Variants in CFAP299 observed in about 807,000 individuals in gnomAD.
CFAP299 encodes the protein cilia- and flagella-associated protein 299.
CFAP299 carries 21 observed loss-of-function variants against 27.0 expected under a neutral mutation model. The ratio of observed to expected loss-of-function variants is 0.78; its 90% CI spans 0.55 to 1.12. CFAP299 has a LOEUF of 1.12. CFAP299 is among the 50% of genes most tolerant of loss of function. The pLI is 0.00. For missense variants in CFAP299, 310 were observed against 276.6 expected, an observed-to-expected ratio of 1.12 and a Z score of -0.86; for synonymous variants, 104 against 98.1, an observed-to-expected ratio of 1.06 and a Z score of -0.36.
At position 80,588,284 on chromosome 4, in the gene CFAP299, G is replaced by A. The variant is rs889868966; in HGVS notation, c.333+5101G>A. 8.0e-5 allele frequency among the ~76,000 whole-genome samples: 12 copies of A among 150,838 alleles called. 1 individual carries two copies. The highest frequency in any genetic ancestry group is 3.0e-4 in the African/African-American group (12 of 40,186). On this transcript the variant is annotated intron_variant, in intron 3 of 5. Transcript: ENST00000358105. ...AACCATTAGCTTTTAACACCTGCAG[G>A]TCTGGAGCTGGGTACATCTGCCTGG...
rs1350931131 is a variant in CFAP299, at chr4:80,799,852, TATA to T, written c.334-70139_334-70137del. Among the ~76,000 whole-genome samples, 264 of 33,896 alleles carry T rather than the reference TATA, an allele frequency of 7.8e-3. 17 individuals are homozygous for T. The highest frequency in any genetic ancestry group is 0.032 in the African/African-American group (229 of 7,226). 22.2% of individuals were successfully genotyped at this position (33,896 alleles called of 152,430 possible). Reference sequence around the variant, plus strand: ...TATTTATATATTATATTATATAATATATAAATATATATTATATATATTATATTA... The same window carrying T: ...TATTTATATATTATATTATATAATATAATATATATTATATATATTATATTA... On this transcript the variant is annotated intron_variant, in intron 3 of 5. Transcript: ENST00000358105.
At position 80,866,061 on chromosome 4, in the gene CFAP299, A is replaced by T. The variant is rs1405645298; in HGVS notation, c.334-3932A>T. The stretch of plus-strand genomic sequence containing the variant: ...TGTGCACCGTAGAACTTAAAGTATT[A>T]TATATATATATATATATATATATAT... On this transcript the variant is annotated intron_variant, in intron 3 of 5. Transcript: ENST00000358105. 2.1e-3 allele frequency among the ~76,000 whole-genome samples: 98 copies of T among 47,234 alleles called. 1 individual carries two copies. In the African/African-American group the frequency reaches 0.023, roughly 11 times the overall value. The allele number at this position is 47,234 out of a possible 152,430, so 31.0% of individuals were successfully genotyped here.
At chr4:80,390,725 A>ATG (rs1446270821) in intron 2 of CFAP299, among the ~76,000 whole-genome samples, 10 of 117,080 alleles carry the variant, frequency 8.5e-5, no homozygotes, top group East Asian at 2.5e-4. Flanking sequence ...ACACACATAC[A>ATG]TGTATATATG....
chr4:80,641,364 C>A (rs1309393770), intron 3 of CFAP299, among the ~76,000 whole-genome samples: 1 of 152,060 alleles, frequency 6.6e-6, no homozygotes, highest in Non-Finnish European at 1.5e-5. Context: ...ACCACCATGC[C>A]AGGCTAAGTT....
At position 80,800,517 on chromosome 4, in the gene CFAP299, A is replaced by T. The variant is rs867515330; in HGVS notation, c.334-69476A>T. ...ATATATAATATATTATATAATATATAATATATAATATATTATATAATATAT... is the reference window on the plus strand; with the variant it reads ...ATATATAATATATTATATAATATATTATATATAATATATTATATAATATAT... On this transcript the variant is annotated intron_variant, in intron 3 of 5. Transcript: ENST00000358105. Among the ~76,000 whole-genome samples, 29 of 18,350 alleles carry T rather than the reference A, an allele frequency of 1.6e-3. 3 individuals carry two copies. The highest frequency in any genetic ancestry group is 4.9e-3 in the Admixed American group (4 of 824). The allele number at this position is 18,350 out of a possible 152,430, so 12.0% of individuals were successfully genotyped here.
intron 2 of CFAP299, among the ~76,000 whole-genome samples, chr4:80,442,876 A>C (rs1578448028): frequency 6.6e-6 from 1 of 152,352 alleles, no homozygotes; most frequent in East Asian, 1.9e-4. Context: ...ATCCACAGAA[A>C]CACAAACTAC....
At chr4:80,865,743 A>G (rs1325954157) in intron 3 of CFAP299, among the ~76,000 whole-genome samples, 2 of 152,034 alleles carry the variant, frequency 1.3e-5, no homozygotes, top group Non-Finnish European at 2.9e-5. Flanking sequence ...GCAGCCATAA[A>G]AAATGATGAG....
At chr4:80,420,165 C>T in intron 2 of CFAP299, 1 of 455,526 alleles carries the variant, frequency 2.2e-6, no homozygotes, top group South Asian at 1.6e-5. Context: ...TCACAGGTAG[C>T]AGCTGTCAGA....
intron 4 of CFAP299, among the ~76,000 whole-genome samples, chr4:80,882,575 T>C (rs1733761826): frequency 2.0e-5 from 3 of 151,658 alleles, no homozygotes; most frequent in Admixed American, 1.3e-4. Flanking sequence ...GAGGCGGAGC[T>C]TGCAGTAAGC....
rs1237429095 is a variant in CFAP299, at chr4:80,665,899, T to C, written c.333+82716T>C. On this transcript the variant is annotated intron_variant, in intron 3 of 5. Transcript: ENST00000358105. ...ACCTCTTCTCTCTCCCCCTTGGTCC[T>C]GCTCCTGCCACGTGAGATGCCTGCT... Among the ~76,000 whole-genome samples the C allele has an allele frequency of 3.9e-5, 6 of 152,040 alleles. No homozygotes were observed. The East Asian group carries it at 1.2e-3, about 29-fold the overall frequency.
chr4:80,832,950 T>A (rs1560434801), intron 3 of CFAP299, among the ~76,000 whole-genome samples: 1 of 152,150 alleles, frequency 6.6e-6, no homozygotes, highest in Non-Finnish European at 1.5e-5. Context: ...CACCTGCTTC[T>A]ATTTTATTTT....
At chr4:80,780,772 T>A (rs1421816849) in intron 3 of CFAP299, among the ~76,000 whole-genome samples, 1 of 151,956 alleles carries the variant, frequency 6.6e-6, no homozygotes, top group Non-Finnish European at 1.5e-5. Flanking sequence ...TATGTAATCC[T>A]GTGAGACATT....
At chr4:80,643,130 C>CTAAA (rs1420987372) in intron 3 of CFAP299, among the ~76,000 whole-genome samples, 1 of 151,826 alleles carries the variant, frequency 6.6e-6, no homozygotes, top group Non-Finnish European at 1.5e-5. Context: ...GACCCTGTCT[C>CTAAA]TAAATAAATA....
chr4:80,800,570 TA>T (rs1246851211), intron 3 of CFAP299, among the ~76,000 whole-genome samples: 252 of 58,038 alleles, frequency 4.3e-3, no homozygotes, highest in Admixed American at 6.9e-3. Flanking sequence ...TATAATATAT[TA>T]ATATAAATAT....
chr4:80,802,917 A>C (rs988898801), intron 3 of CFAP299, among the ~76,000 whole-genome samples: 1 of 152,080 alleles, frequency 6.6e-6, no homozygotes, highest in Non-Finnish European at 1.5e-5. Context: ...ACCTGGAAAC[A>C]GCTGTACTTT....
chr4:80,638,550 A>G (rs1217300926), intron 3 of CFAP299, among the ~76,000 whole-genome samples: 1 of 152,162 alleles, frequency 6.6e-6, no homozygotes, highest in Non-Finnish European at 1.5e-5. Context: ...AATGACTTAA[A>G]ACACGGAGTC....
intron 2 of CFAP299, among the ~76,000 whole-genome samples, chr4:80,521,051 G>A (rs1034459685): frequency 2.6e-5 from 4 of 152,072 alleles, no homozygotes; most frequent in Admixed American, 6.6e-5. Context: ...AAACTTTTGC[G>A]ATTAAAACAA....
At chr4:80,731,302 G>T (rs1420778893) in intron 3 of CFAP299, among the ~76,000 whole-genome samples, 1 of 152,164 alleles carries the variant, frequency 6.6e-6, no homozygotes, top group African/African-American at 2.4e-5. Context: ...GAATATGTGA[G>T]TAAACAAAAA....
intron 1 of CFAP299, among the ~76,000 whole-genome samples, chr4:80,358,041 T>C (rs1266988602): frequency 1.3e-5 from 2 of 152,200 alleles, no homozygotes; most frequent in Non-Finnish European, 2.9e-5. Context: ...TATTGTACCT[T>C]TGTTCTCTTT....
Sources: allele counts gnomAD v4.1 joint callset (sites outside exome capture counted in the v4.1 genomes callset), GRCh38; gene constraint gnomAD v4.1.1; transcripts MANE v1.5; gene names NCBI Gene and HGNC (gene_info 2026-07-23, HGNC 2026-07-21).